The following UGT1A8 variants were observed in gnomAD, a reference collection of about 807,000 sequenced individuals.
The protein encoded by UGT1A8 is UDP-glucuronosyltransferase 1A8.
In UGT1A8, 39 loss-of-function variants were observed where a neutral mutation model predicts 45.3. That is an observed-to-expected ratio of 0.86 (90% CI 0.67 to 1.12). The LOEUF (loss-of-function observed/expected upper bound fraction) is 1.12, where lower values mean the gene tolerates loss of function less well. UGT1A8 is among the 50% of genes most tolerant of loss of function. UGT1A8 has a pLI of 0.00. For synonymous variants in UGT1A8, 275 were observed against 249.2 expected (o/e 1.10, Z -0.97); for missense variants, 719 against 664.9 (o/e 1.08, Z -0.90).
chr2:233,766,518 A>G (rs542510910), intron 1 of UGT1A8, among the ~76,000 whole-genome samples: 1 of 152,214 alleles, frequency 6.6e-6, no homozygotes, highest in East Asian at 1.9e-4. Context: ...GGGAAATGAA[A>G]CATTTAGGCA....
intron 1 of UGT1A8, among the ~76,000 whole-genome samples, chr2:233,657,747 T>C (rs1403174452): frequency 6.6e-6 from 1 of 152,210 alleles, no homozygotes; most frequent in Non-Finnish European, 1.5e-5. Context: ...ATTTTCCTAT[T>C]TAAATATGAT....
At chr2:233,687,151 T>G (rs989415862) in intron 1 of UGT1A8, among the ~76,000 whole-genome samples, 1 of 152,198 alleles carries the variant, frequency 6.6e-6, no homozygotes, top group African/African-American at 2.4e-5. Flanking sequence ...TGATAATACA[T>G]GCAGATGACT....
intron 4 of UGT1A8, chr2:233,770,796 T>G (rs1486074516): frequency 6.6e-6 from 1 of 152,204 alleles, no homozygotes; most frequent in Non-Finnish European, 1.5e-5. Context: ...TATAGATATG[T>G]TTAAAGACAG....
chr2:233,682,208 A>G (rs775573603), intron 1 of UGT1A8: 4 of 1,614,200 alleles, frequency 2.5e-6, no homozygotes, highest in Non-Finnish European at 2.5e-6. Context: ...CCGGGAGTTC[A>G]TGGTTTTTGC....
intron 1 of UGT1A8, among the ~76,000 whole-genome samples, chr2:233,656,206 TG>T (rs2073849488): frequency 6.6e-6 from 1 of 152,200 alleles, no homozygotes; most frequent in African/African-American, 2.4e-5. Context: ...GTGTTCACCC[TG>T]GGGTGGAGAC....
In UGT1A8 at chr2:233,769,858, A is replaced by AC. The variant is rs557718673; in HGVS notation, c.1295+1419_1295+1420insC. The AC allele has an allele frequency of 9.4e-6, 1 of 106,936 alleles. No individual in the cohort carries two copies. Among genetic ancestry groups the AC allele is most frequent in the Non-Finnish European group, 1.7e-5 (1 of 60,026 alleles). 6.6% of individuals were successfully genotyped at this position (106,936 alleles called of 1,614,324 possible). On this transcript the variant is annotated intron_variant, in intron 4 of 4. Transcript: ENST00000373450. This position sits in a 1 kb window ranked among gnomAD's most constrained non-coding sequence, Gnocchi z 4.4. Reference sequence around the variant, plus strand: ...GGGCAACAGAGTGAGACCCTGTCTCAAAAAAAAAAAAAAAAATGAAAAGTC... The same window carrying AC: ...GGGCAACAGAGTGAGACCCTGTCTCACAAAAAAAAAAAAAAAATGAAAAGTC...
intron 1 of UGT1A8, among the ~76,000 whole-genome samples, chr2:233,658,550 G>A (rs560261664): frequency 6.6e-5 from 10 of 152,160 alleles, no homozygotes; most frequent in East Asian, 1.9e-4. Flanking sequence ...CCTTGTTTTC[G>A]ATGACTTTGA....
At position 233,760,794 on chromosome 2, in the gene UGT1A8, ATTC is replaced by A. The variant is rs587776762; in HGVS notation, c.856-6234_856-6232del. On this transcript the variant is annotated intron_variant, in intron 1 of 4. Transcript: ENST00000373450. The stretch of plus-strand genomic sequence containing the variant: ...CCCAGTACCTGTCTCTGCCCACTGT[ATTC>A]TTCTTGCATGCACTGCCATGCAGCC... 8.7e-6 allele frequency: 14 copies of A among 1,613,302 alleles called. No homozygotes were observed. Among genetic ancestry groups the A allele is most frequent in the Non-Finnish European group, 1.2e-5 (14 of 1,179,518 alleles).
intron 1 of UGT1A8, chr2:233,647,898 T>G: frequency 6.4e-7 from 1 of 1,554,794 alleles, no homozygotes; most frequent in Non-Finnish European, 8.8e-7. Context: ...TACACTGAAG[T>G]TAGCCTCCAG....
chr2:233,621,788 T>G (rs964790168), intron 1 of UGT1A8, among the ~76,000 whole-genome samples: 8 of 152,150 alleles, frequency 5.3e-5, no homozygotes, highest in Admixed American at 4.6e-4. Context: ...CGTAAAGGTT[T>G]GTTACATAGG....
rs2076117983 is a variant in UGT1A8 at position 233,710,197 on chromosome 2, A to C, written c.856-56837A>C. On this transcript the variant is annotated intron_variant, in intron 1 of 4. Transcript: ENST00000373450. ...ATTGATGGACATGTGGATAGTTTCCAGTTGTTGGCTATTATGAATAAAGCT... is the reference window on the plus strand; with the variant it reads ...ATTGATGGACATGTGGATAGTTTCCCGTTGTTGGCTATTATGAATAAAGCT... 2.0e-5 allele frequency among the ~76,000 whole-genome samples: 3 copies of C among 152,278 alleles called. No individual in the cohort carries two copies. In the South Asian group the frequency reaches 6.2e-4, roughly 32 times the overall value.
chr2:233,672,680 C>A, intron 1 of UGT1A8: 2 of 1,613,932 alleles, frequency 1.2e-6, no homozygotes, highest in Non-Finnish European at 1.7e-6. Flanking sequence ...AGCCACACAT[C>A]AATTTGGTTG....
intron 1 of UGT1A8, among the ~76,000 whole-genome samples, chr2:233,706,280 G>A (rs2075901019): frequency 6.6e-6 from 1 of 152,024 alleles, no homozygotes; most frequent in Non-Finnish European, 1.5e-5. Context: ...CCTCAGGGGT[G>A]GGGCCCAGTG....
Position 233,748,426 on chromosome 2 carries a change from G to A in UGT1A8, c.856-18608G>A, listed in dbSNP as rs1479085626. Among the ~76,000 whole-genome samples the A allele has an allele frequency of 3.3e-5, 5 of 151,758 alleles. 1 individual carries two copies. The highest frequency in any genetic ancestry group is 7.3e-5 in the African/African-American group (3 of 41,072). ...CACTACATTGAGACTTGACCCATCTGGATTTTTTGTTTGCACAATTTTCAG... is the reference window on the plus strand; with the variant it reads ...CACTACATTGAGACTTGACCCATCTAGATTTTTTGTTTGCACAATTTTCAG... On this transcript the variant is annotated intron_variant, in intron 1 of 4. Transcript: ENST00000373450.
At chr2:233,645,916 C>T (rs1291247235) in intron 1 of UGT1A8, among the ~76,000 whole-genome samples, 1 of 152,218 alleles carries the variant, frequency 6.6e-6, no homozygotes, top group African/African-American at 2.4e-5. Context: ...TGTTTGGGGG[C>T]TTCAACCCCA....
At chr2:233,644,750 G>T (rs1232825229) in intron 1 of UGT1A8, among the ~76,000 whole-genome samples, 10 of 152,030 alleles carry the variant, frequency 6.6e-5, no homozygotes, top group Admixed American at 2.6e-4. Flanking sequence ...CAGGGGGTTG[G>T]GTGACATAGG....
rs2074607007 is a variant in UGT1A8, at chr2:233,682,922, T to A, written c.855+64360T>A. 11 of 1,476,916 alleles carry A rather than the reference T, an allele frequency of 7.4e-6. No individual in the cohort carries two copies. The South Asian group carries it at 1.6e-4, about 21-fold the overall frequency. 91.5% of individuals were successfully genotyped at this position (1,476,916 alleles called of 1,614,324 possible). ...TTCTTTCTGGTTTAAGGAATTCTTT[T>A]GTACCAATTCACTTAATTGTTGGGT... On this transcript the variant is annotated intron_variant, in intron 1 of 4. Coordinates refer to ENST00000373450, the MANE Select transcript of UGT1A8 (RefSeq NM_019076.5).
intron 1 of UGT1A8, among the ~76,000 whole-genome samples, chr2:233,646,270 G>A (rs948211008): frequency 7.9e-5 from 12 of 152,208 alleles, no homozygotes; most frequent in African/African-American, 2.9e-4. Flanking sequence ...AGGCCTCCAG[G>A]CCTGTGATGG....
At chr2:233,701,242 A>G (rs1295860710) in intron 1 of UGT1A8, among the ~76,000 whole-genome samples, 2 of 152,144 alleles carry the variant, frequency 1.3e-5, no homozygotes, top group South Asian at 4.1e-4. Context: ...CCCAGTAATG[A>G]GATGGCTGGG....
Sources: allele counts gnomAD v4.1 joint callset (sites outside exome capture counted in the v4.1 genomes callset), GRCh38; gene constraint gnomAD v4.1.1; non-coding constraint Gnocchi (gnomAD v3.1); transcripts MANE v1.5; gene names NCBI Gene and HGNC (gene_info 2026-07-23, HGNC 2026-07-21).